Variants in FER observed in about 807,000 individuals in gnomAD.
FER encodes FER tyrosine kinase.
In FER, 63 loss-of-function variants were observed where a neutral mutation model predicts 111.0. That is an observed-to-expected ratio of 0.57 (90% confidence interval 0.46 to 0.70). The LOEUF (loss-of-function observed/expected upper bound fraction) is 0.70. Ranked by LOEUF, FER falls within the 30% of genes least tolerant of loss-of-function variation. The pLI, the probability that FER is intolerant of heterozygous loss-of-function variation, is 0.00. For synonymous variants in FER, 327 were observed against 313.9 expected (o/e 1.04, Z -0.44); for missense variants, 914 against 954.0 (o/e 0.96, Z 0.55).
At chr5:109,146,395 T>C (rs1022121362) in intron 17 of FER, among the ~76,000 whole-genome samples, 2 of 149,234 alleles carry the variant, frequency 1.3e-5, no homozygotes, top group South Asian at 4.2e-4. Context: ...AATCCCCTCA[T>C]CCAGCTGGCG....
intron 17 of FER, among the ~76,000 whole-genome samples, chr5:109,118,780 A>T (rs552579941): frequency 7.2e-5 from 11 of 151,940 alleles, no homozygotes; most frequent in Non-Finnish European, 1.5e-4. Flanking sequence ...TAGATTTTCT[A>T]GTTTATTTGC....
At chr5:109,142,906 A>G (rs1010584430) in intron 17 of FER, among the ~76,000 whole-genome samples, 13 of 152,208 alleles carry the variant, frequency 8.5e-5, no homozygotes, top group African/African-American at 3.1e-4. Flanking sequence ...ATACTGAGGA[A>G]GCCTAAAAAT....
At chr5:109,128,364 C>G (rs76507582) in intron 17 of FER, among the ~76,000 whole-genome samples, 1 of 152,098 alleles carries the variant, frequency 6.6e-6, no homozygotes, top group Admixed American at 6.5e-5. Context: ...TGACAACTTT[C>G]AATTGTAAGT....
chr5:109,041,720 A>AT, intron 14 of FER, among the ~76,000 whole-genome samples: 1 of 152,198 alleles, frequency 6.6e-6, no homozygotes, highest in Non-Finnish European at 1.5e-5. Context: ...AACAGCTCAA[A>AT]TTGCCAATAA....
chr5:109,174,917 G>A (rs567418605), intron 17 of FER, among the ~76,000 whole-genome samples: 5 of 152,140 alleles, frequency 3.3e-5, no homozygotes, highest in African/African-American at 7.2e-5. Context: ...GCTTTCCTCC[G>A]CTTACGGGCT....
At chr5:108,995,302 A>G (rs578184989) in intron 13 of FER, among the ~76,000 whole-genome samples, 1 of 152,200 alleles carries the variant, frequency 6.6e-6, no homozygotes, top group Admixed American at 6.5e-5. Context: ...GTTCTGGGGT[A>G]CATGTGCAGA....
At chr5:108,989,855 A>G (rs1006659233) in intron 13 of FER, among the ~76,000 whole-genome samples, 3 of 152,002 alleles carry the variant, frequency 2.0e-5, no homozygotes, top group Non-Finnish European at 4.4e-5. Context: ...ATAGCTAGAC[A>G]TTTAATGCAT....
intron 2 of FER, among the ~76,000 whole-genome samples, chr5:108,787,926 C>A (rs1754922327): frequency 6.6e-6 from 1 of 152,202 alleles, no homozygotes; most frequent in Non-Finnish European, 1.5e-5. Flanking sequence ...CTCATTCTTT[C>A]TGGATGTGGG....
chr5:108,762,053 G>C (rs1314848191), intron 1 of FER, among the ~76,000 whole-genome samples: 1 of 152,090 alleles, frequency 6.6e-6, no homozygotes, highest in Non-Finnish European at 1.5e-5. Context: ...TGGGACTATA[G>C]GTGTGTGCCT....
chr5:108,902,422 TAAG>T (rs1221328869), intron 10 of FER, among the ~76,000 whole-genome samples: 1 of 152,242 alleles, frequency 6.6e-6, no homozygotes, highest in East Asian at 1.9e-4. Context: ...TGTGGGATGT[TAAG>T]AAGTGTACCA....
chr5:108,839,402 G>GT (rs1761007525), intron 5 of FER, among the ~76,000 whole-genome samples: 1 of 152,092 alleles, frequency 6.6e-6, no homozygotes. Context: ...ATTTTGGGGA[G>GT]TTAGGCTAGT....
At chr5:108,948,260 G>A (rs569824200) in intron 11 of FER, among the ~76,000 whole-genome samples, 4 of 151,972 alleles carry the variant, frequency 2.6e-5, no homozygotes, top group African/African-American at 9.7e-5. Flanking sequence ...CTAATGGAAC[G>A]CTTAGATCAA....
At chr5:109,182,493 A>G (rs1758385289) in intron 18 of FER, among the ~76,000 whole-genome samples, 1 of 152,152 alleles carries the variant, frequency 6.6e-6, no homozygotes, top group Admixed American at 6.5e-5. Context: ...AGATTATATT[A>G]CTAAGGGGGA....
intron 1 of FER, among the ~76,000 whole-genome samples, chr5:108,767,122 G>A (rs1291187784): frequency 2.6e-5 from 4 of 152,204 alleles, no homozygotes; most frequent in African/African-American, 7.2e-5. Context: ...TGACCAACAT[G>A]GTGAAACCCT....
At chr5:109,134,633 T>C (rs74657791) in intron 17 of FER, among the ~76,000 whole-genome samples, 1,598 of 152,262 alleles carry the variant, frequency 0.01, 23 homozygotes, top group African/African-American at 0.037. Context: ...CTGATTGTGC[T>C]TCCATTAAGA....
chr5:109,174,431 T>C (rs1757468916), intron 17 of FER, among the ~76,000 whole-genome samples: 2 of 152,202 alleles, frequency 1.3e-5, no homozygotes, highest in Non-Finnish European at 2.9e-5. Flanking sequence ...TTTTTGTTTT[T>C]GTTTTTTAAA....
intron 17 of FER, among the ~76,000 whole-genome samples, chr5:109,104,985 C>G (rs558614669): frequency 3.3e-5 from 5 of 152,026 alleles, no homozygotes; most frequent in African/African-American, 1.2e-4. Flanking sequence ...CCTCGTGATC[C>G]GCCTGCCTTG....
intron 2 of FER, among the ~76,000 whole-genome samples, chr5:108,786,053 G>A (rs1754683039): frequency 6.6e-6 from 1 of 152,224 alleles, no homozygotes; most frequent in African/African-American, 2.4e-5. Flanking sequence ...TGGCATGTGA[G>A]TGTGCAGGTA....
intron 17 of FER, among the ~76,000 whole-genome samples, chr5:109,129,986 A>T (rs1752185516): frequency 1.3e-5 from 2 of 151,970 alleles, no homozygotes; most frequent in Middle Eastern, 3.4e-3. Context: ...CTGTAATTTT[A>T]TAAAAATAAA....
Sources: gnomAD v4.1 joint callset for allele counts (sites outside exome capture counted in the v4.1 genomes callset) on GRCh38, gnomAD v4.1.1 for gene constraint, MANE v1.5 for transcripts, NCBI Gene and HGNC (gene_info 2026-07-23, HGNC 2026-07-21) for gene names.